Variants in MYO9A observed in about 807,000 individuals in gnomAD.
MYO9A encodes myosin IXA, also known as unconventional myosin-IXa.
A neutral mutation model predicts 293.3 loss-of-function variants in MYO9A; 103 were observed. The ratio of observed to expected loss-of-function variants is 0.35; its 90% CI spans 0.30 to 0.41. The LOEUF is 0.41. MYO9A is among the 10% of genes least tolerant of loss of function. MYO9A has a pLI of 1.00. For missense variants in MYO9A, 2,685 were observed against 3,033.0 expected, an observed-to-expected ratio of 0.89 and a Z score of 2.69; for synonymous variants, 1,001 against 1,035.7, an observed-to-expected ratio of 0.97 and a Z score of 0.64.
chr15:71,911,728 G>C (rs558868170), intron 19 of MYO9A, among the ~76,000 whole-genome samples: 1 of 152,276 alleles, frequency 6.6e-6, no homozygotes, highest in African/African-American at 2.4e-5. Flanking sequence ...AGTTCTTTAT[G>C]ATCAAGTTGT....
At chr15:71,885,976 T>C (rs1353491028) in intron 27 of MYO9A, among the ~76,000 whole-genome samples, 1 of 152,022 alleles carries the variant, frequency 6.6e-6, no homozygotes, top group African/African-American at 2.4e-5. Context: ...ATTATGAATG[T>C]TTCTCTTTCA....
chr15:72,077,958 T>C (rs2079422822), intron 1 of MYO9A, among the ~76,000 whole-genome samples: 2 of 151,418 alleles, frequency 1.3e-5, no homozygotes, highest in South Asian at 4.2e-4. Context: ...GAACTGAAAA[T>C]CAAAACCATG....
chr15:72,037,220 T>TA (rs1273401005), intron 2 of MYO9A, among the ~76,000 whole-genome samples: 3 of 127,170 alleles, frequency 2.4e-5, no homozygotes. Flanking sequence ...AGCAATTGTT[T>TA]AAACACTATA....
At chr15:72,021,187 T>A (rs2077492827) in intron 4 of MYO9A, among the ~76,000 whole-genome samples, 170 bp from the exon 5 acceptor site, 1 of 152,160 alleles carries the variant, frequency 6.6e-6, no homozygotes, top group Non-Finnish European at 1.5e-5. Context: ...TTGAATGATG[T>A]TTTGGATGTG....
intron 1 of MYO9A, among the ~76,000 whole-genome samples, chr15:72,061,174 A>T (rs2078867830): frequency 6.6e-6 from 1 of 152,222 alleles, no homozygotes; most frequent in East Asian, 1.9e-4. Flanking sequence ...AAACTTCAGT[A>T]GCCAGCAGTG....
At chr15:71,951,381 T>C (rs767671938) in intron 15 of MYO9A, among the ~76,000 whole-genome samples, 2 of 152,140 alleles carry the variant, frequency 1.3e-5, no homozygotes, top group African/African-American at 4.8e-5. Flanking sequence ...ACTTACCAAA[T>C]TGTTGTCTTT....
intron 15 of MYO9A, among the ~76,000 whole-genome samples, chr15:71,947,152 T>G (rs922060678): frequency 6.6e-6 from 1 of 152,014 alleles, no homozygotes; most frequent in African/African-American, 2.4e-5. Context: ...AATGGTGGCA[T>G]GCACCTGTAG....
chr15:72,004,223 C>T (rs7172177), intron 8 of MYO9A, among the ~76,000 whole-genome samples: 3,566 of 152,252 alleles, frequency 0.023, 137 homozygotes, highest in African/African-American at 0.081. Context: ...TTCTACAAAG[C>T]TTCTCATATT....
intron 18 of MYO9A, among the ~76,000 whole-genome samples, chr15:71,925,275 A>G (rs897830399): frequency 1.3e-5 from 2 of 149,448 alleles, no homozygotes; most frequent in African/African-American, 5.0e-5. Context: ...ACATATATAC[A>G]TATACGTATA....
intron 1 of MYO9A, among the ~76,000 whole-genome samples, chr15:72,089,960 T>C (rs2079854764): frequency 6.6e-6 from 1 of 152,240 alleles, no homozygotes; most frequent in Non-Finnish European, 1.5e-5. Context: ...CAATCTCACC[T>C]CTATTTTGTT....
upstream of MYO9A, chr15:72,118,151 A>T (rs1006158188): frequency 1.6e-5 from 6 of 373,546 alleles, no homozygotes; most frequent in Non-Finnish European, 2.8e-5. Context: ...GCGCGCGCGC[A>T]CTTACCTCCC....
intron 13 of MYO9A, among the ~76,000 whole-genome samples, chr15:71,962,029 A>G (rs576561078): frequency 2.6e-5 from 4 of 152,230 alleles, no homozygotes; most frequent in African/African-American, 7.2e-5. Flanking sequence ...CAGCCAGCAC[A>G]CAGATTTTTA....
chr15:72,051,992 C>A (rs1231042327), intron 1 of MYO9A, among the ~76,000 whole-genome samples: 1 of 152,294 alleles, frequency 6.6e-6, no homozygotes, highest in East Asian at 1.9e-4. Flanking sequence ...TCCAGGCTCA[C>A]CCATGGTTGT....
intron 4 of MYO9A, among the ~76,000 whole-genome samples, chr15:72,024,256 T>C (rs2077593524): frequency 6.6e-6 from 1 of 152,118 alleles, no homozygotes; most frequent in African/African-American, 2.4e-5. Flanking sequence ...ACTACATAGG[T>C]AAATATAAAA....
At chr15:71,916,181 T>C (rs1408393529) in intron 19 of MYO9A, among the ~76,000 whole-genome samples, 189 bp downstream of exon 19, 5 of 152,134 alleles carry the variant, frequency 3.3e-5, no homozygotes, top group Admixed American at 2.6e-4. Flanking sequence ...CATATGTGGA[T>C]GAAAAACAAA....
intron 1 of MYO9A, among the ~76,000 whole-genome samples, chr15:72,088,331 A>G (rs2079806890): frequency 1.3e-5 from 2 of 152,182 alleles, no homozygotes; most frequent in Non-Finnish European, 2.9e-5. Flanking sequence ...TCATTGCCCA[A>G]AAAGTGCAAT....
chr15:71,858,000 G>GA (rs1342860518), intron 34 of MYO9A, among the ~76,000 whole-genome samples: 1 of 152,278 alleles, frequency 6.6e-6, no homozygotes. Context: ...ACAGACACAT[G>GA]AAAAAATGCT....
chr15:71,906,758 C>CTTTCTTTTTTT lies in MYO9A; in HGVS notation c.2686-1753_2686-1752insAAAAAAAGAAA, dbSNP rs765264146. On this transcript the variant is annotated intron_variant, in intron 19 of 41. Coordinates refer to ENST00000356056, the MANE Select transcript of MYO9A (RefSeq NM_006901.4). ...CCAATCAGATAATATCCATTTCTTT[C>CTTTCTTTTTTT]TTTTTTTTTTTTTTTTTTTTCCTGA... Among the ~76,000 whole-genome samples the CTTTCTTTTTTT allele has an allele frequency of 3.8e-3, 233 of 61,038 alleles. 39 individuals are homozygous for CTTTCTTTTTTT. The highest frequency in any genetic ancestry group is 5.6e-3 in the Non-Finnish European group (181 of 32,036). 40.0% of individuals were successfully genotyped at this position (61,038 alleles called of 152,430 possible).
intron 1 of MYO9A, among the ~76,000 whole-genome samples, chr15:72,108,730 G>A (rs1445920780): frequency 6.7e-6 from 1 of 149,136 alleles, no homozygotes; most frequent in Non-Finnish European, 1.5e-5. Flanking sequence ...TATATACGAA[G>A]TATTTTGCAG....
Sources: gnomAD v4.1 joint callset for allele counts (sites outside exome capture counted in the v4.1 genomes callset) on GRCh38, gnomAD v4.1.1 for gene constraint, MANE v1.5 for transcripts, NCBI Gene and HGNC (gene_info 2026-07-23, HGNC 2026-07-21) for gene names.